Variants in CD200R1L observed in about 807,000 individuals in gnomAD.
CD200R1L encodes the protein CD200 receptor 1 like.
Under a neutral mutation model 24.8 loss-of-function variants are expected in CD200R1L, and 14 were observed. The observed-to-expected ratio is 0.56, with a 90% confidence interval of 0.37 to 0.88. The LOEUF (loss-of-function observed/expected upper bound fraction) is 0.88. CD200R1L is among the 40% of genes least tolerant of loss of function. The pLI is 0.00. For synonymous variants in CD200R1L, 111 were observed against 109.2 expected, an observed-to-expected ratio of 1.02 and a Z score of -0.11; for missense variants, 299 against 297.8, an observed-to-expected ratio of 1.00 and a Z score of -0.03.
At chr3:112,843,222 C>T (rs1170454334) in intron 2 of CD200R1L, among the ~76,000 whole-genome samples, 2 of 152,128 alleles carry the variant, frequency 1.3e-5, no homozygotes, top group Admixed American at 1.3e-4. Flanking sequence ...CAGACAACTG[C>T]AAGATACTAC....
intron 6 of CD200R1L, among the ~76,000 whole-genome samples, chr3:112,824,988 A>G (rs1416028843): frequency 1.3e-5 from 2 of 152,258 alleles, no homozygotes; most frequent in Non-Finnish European, 2.9e-5. Context: ...CTGGAATTCC[A>G]GCACTTTGGG....
At chr3:112,823,148 A>G (rs994630702) in intron 6 of CD200R1L, among the ~76,000 whole-genome samples, 1 of 152,234 alleles carries the variant, frequency 6.6e-6, no homozygotes, top group East Asian at 1.9e-4. Context: ...TTCTGCCTAT[A>G]TAAGCAAGAC....
At chr3:112,845,071 C>G (rs1323382273) in intron 2 of CD200R1L, among the ~76,000 whole-genome samples, 5 of 151,912 alleles carry the variant, frequency 3.3e-5, no homozygotes, top group African/African-American at 9.7e-5. Flanking sequence ...ATCCAAAAAT[C>G]TATACAAAGC....
chr3:112,825,404 ATAT>A (rs1216353610), intron 6 of CD200R1L, among the ~76,000 whole-genome samples: 3 of 148,952 alleles, frequency 2.0e-5, no homozygotes, highest in Non-Finnish European at 4.5e-5. Flanking sequence ...AAATTAGTAA[ATAT>A]TATATAAAAT....
chr3:112,845,262 T>C (rs936418288), intron 2 of CD200R1L, among the ~76,000 whole-genome samples: 1 of 152,232 alleles, frequency 6.6e-6, no homozygotes, highest in Non-Finnish European at 1.5e-5. Flanking sequence ...TAAACACCTC[T>C]ATGCACACAC....
intron 3 of CD200R1L, among the ~76,000 whole-genome samples, chr3:112,832,102 C>T (rs548391991): frequency 1.1e-4 from 17 of 152,186 alleles, no homozygotes; most frequent in Non-Finnish European, 2.4e-4. Flanking sequence ...AGTTATTCCC[C>T]TAGTCCTTCA....
intron 7 of CD200R1L, among the ~76,000 whole-genome samples, chr3:112,817,152 C>T (rs1559919088): frequency 6.6e-6 from 1 of 151,734 alleles, no homozygotes; most frequent in African/African-American, 2.4e-5. Context: ...CATTCTATGC[C>T]CTGTCTTAAA....
chr3:112,839,589 C>T (rs1410153731), intron 2 of CD200R1L, among the ~76,000 whole-genome samples: 3 of 152,188 alleles, frequency 2.0e-5, no homozygotes, highest in Non-Finnish European at 4.4e-5. Flanking sequence ...TTTCCAGATA[C>T]CAAAACTTAT....
At chr3:112,829,419 A>C (rs1559923199) in intron 3 of CD200R1L, 35 bp from the exon 4 acceptor site, 3 of 1,571,554 alleles carry the variant, frequency 1.9e-6, no homozygotes, top group Non-Finnish European at 2.6e-6. Flanking sequence ...AGCGAAATCA[A>C]TTTTATGTAC....
Position 112,827,699 on chromosome 3 carries a change from A to G in CD200R1L, c.50-15T>C, listed in dbSNP as rs1465729939. On this transcript the variant is annotated splice_polypyrimidine_tract_variant and intron_variant, in intron 4 of 7. Transcript: ENST00000488794. ...TGAAATGTTACCTGGACACACACAC[A>G]AAGGATAATGATATAGAAAACCTTG... 6.2e-7 allele frequency: 1 copy of G among 1,606,470 alleles called. No individual in the cohort carries two copies. The highest frequency in any genetic ancestry group is 2.2e-5 in the East Asian group (1 of 44,876).
intron 4 of CD200R1L, among the ~76,000 whole-genome samples, chr3:112,828,695 A>G (rs1258784623): frequency 6.6e-6 from 1 of 152,114 alleles, no homozygotes; most frequent in African/African-American, 2.4e-5. Context: ...CATCTTTTAA[A>G]GTAAAAATTA....
intron 4 of CD200R1L, among the ~76,000 whole-genome samples, chr3:112,828,158 A>G (rs1280242398): frequency 6.6e-6 from 1 of 152,220 alleles, no homozygotes; most frequent in African/African-American, 2.4e-5. Context: ...GAGCACAAGA[A>G]AAATCAGTAA....
chr3:112,835,393 G>A (rs1938913929), intron 3 of CD200R1L, among the ~76,000 whole-genome samples: 1 of 152,192 alleles, frequency 6.6e-6, no homozygotes, highest in East Asian at 1.9e-4. Context: ...CTCTCTACAG[G>A]CAGGTTGTCC....
At position 112,827,048 on chromosome 3, in the gene CD200R1L, G is replaced by A. The variant is rs1272363480; in HGVS notation, c.561C>T (p.Thr187=). The change falls in exon 6 of 8, where the codon ACC becomes ACT. Residue 187 remains threonine (T), a synonymous_variant. Transcript: ENST00000488794. ...CPWEGHKSTV[T]CHVSHLTGNK... is the part of the protein sequence containing the mutation. ...TGCCAGTCAAATGGGAGACATGGCAGGTCACAGTAGACTTGTGGCCCTCCC... is the reference window on the plus strand; with the variant it reads ...TGCCAGTCAAATGGGAGACATGGCAAGTCACAGTAGACTTGTGGCCCTCCC... The A allele has an allele frequency of 6.2e-7, 1 of 1,607,550 alleles. No individual in the cohort carries two copies. Among genetic ancestry groups the A allele is most frequent in the Non-Finnish European group, 8.5e-7 (1 of 1,176,956 alleles).
intron 2 of CD200R1L, among the ~76,000 whole-genome samples, 199 bp from the exon 3 acceptor site, chr3:112,838,209 G>A (rs1939002330): frequency 6.8e-6 from 1 of 146,318 alleles, no homozygotes; most frequent in African/African-American, 2.8e-5. Context: ...ATGCACGTAT[G>A]TCAGGATTTT....
At chr3:112,841,426 G>A (rs1939077433) in intron 2 of CD200R1L, 1 of 294,382 alleles carries the variant, frequency 3.4e-6, no homozygotes, top group East Asian at 1.1e-4. Flanking sequence ...ATGTGAGAAT[G>A]AACTAATACA....
At chr3:112,842,460 A>T (rs1455484542) in intron 2 of CD200R1L, among the ~76,000 whole-genome samples, 1 of 152,224 alleles carries the variant, frequency 6.6e-6, no homozygotes, top group Non-Finnish European at 1.5e-5. Context: ...ACTGTAAAAC[A>T]TGTGTGTTTG....
intron 3 of CD200R1L, among the ~76,000 whole-genome samples, chr3:112,830,246 G>A (rs143467368): frequency 1.3e-5 from 2 of 152,302 alleles, no homozygotes; most frequent in East Asian, 3.9e-4. Flanking sequence ...GTATGGTTAG[G>A]ATTAGGTACT....
intron 6 of CD200R1L, among the ~76,000 whole-genome samples, chr3:112,825,252 T>TA (rs142848683): frequency 7.4e-4 from 94 of 126,244 alleles, no homozygotes; most frequent in East Asian, 1.4e-3. Context: ...AAACAAAGAT[T>TA]AAAAAAAAAA....
Sources: allele counts gnomAD v4.1 joint callset (sites outside exome capture counted in the v4.1 genomes callset), GRCh38; gene constraint gnomAD v4.1.1; transcripts MANE v1.5; gene names NCBI Gene and HGNC (gene_info 2026-07-23, HGNC 2026-07-21).